Variants in CDH11 observed in about 807,000 individuals in gnomAD.
The protein encoded by CDH11 is cadherin-11.
In CDH11, 11 loss-of-function variants were observed where a neutral mutation model predicts 67.8. The ratio of observed to expected loss-of-function variants is 0.16; its 90% CI spans 0.10 to 0.27. The LOEUF (loss-of-function observed/expected upper bound fraction) is 0.27, where lower values mean the gene tolerates loss of function less well. CDH11 is among the 10% of genes least tolerant of loss of function. The probability of loss-of-function intolerance (pLI) is 1.00; values close to 1 mark genes in which losing one functional copy is unlikely to be tolerated. For missense variants in CDH11, 847 were observed against 1,031.2 expected, an observed-to-expected ratio of 0.82 and a Z score of 2.45; for synonymous variants, 419 against 400.0, an observed-to-expected ratio of 1.05 and a Z score of -0.57.
chr16:65,121,117 C>A lies in CDH11; in HGVS notation c.-298+763G>T, dbSNP rs2075321394. Among the ~76,000 whole-genome samples the A allele has an allele frequency of 1.3e-5, 2 of 152,116 alleles. No homozygotes were observed. ...AGTTAACGTTGACCCTGGCAGCTTT[C>A]GCCAATCCCAAGCCAGAGGCGAGCC... On this transcript the variant is annotated intron_variant, in intron 1 of 12. Transcript: ENST00000268603. The surrounding 1 kb of genome is among the most constrained non-coding windows in gnomAD (Gnocchi z 4.1).
chr16:65,017,707 C>T (rs1331571157), intron 2 of CDH11, among the ~76,000 whole-genome samples: 2 of 152,048 alleles, frequency 1.3e-5, no homozygotes, highest in East Asian at 1.9e-4. Context: ...CCAATATGTG[C>T]CCAGAATTAG....
At chr16:65,057,640 C>CAT (rs2074167646) in intron 1 of CDH11, among the ~76,000 whole-genome samples, 2 of 152,122 alleles carry the variant, frequency 1.3e-5, no homozygotes, top group Admixed American at 6.5e-5. Flanking sequence ...CGTGCAGAGC[C>CAT]ATATCCTTCC....
chr16:64,977,147 C>T (rs141559606), intron 8 of CDH11, among the ~76,000 whole-genome samples: 56 of 152,250 alleles, frequency 3.7e-4, no homozygotes, highest in South Asian at 8.3e-4. Flanking sequence ...CTTCAGTGAA[C>T]CATGATGACA....
At position 64,944,125 on chromosome 16, in the gene CDH11, G is replaced by C. The variant is rs2071155170; in HGVS notation, c.*3478C>G. On this transcript the variant is annotated 3_prime_UTR_variant, in exon 13 of 13. Transcript: ENST00000268603. ...TGTTCATGTAAAGCAATAAAATAAA[G>C]GCATCAGAATTCATTTTAAGTCTTT... 8.6e-6 allele frequency: 2 copies of C among 232,590 alleles called. No individual in the cohort carries two copies. Among genetic ancestry groups the C allele is most frequent in the Non-Finnish European group, 1.7e-5 (2 of 117,756 alleles). The allele number at this position is 232,590 out of a possible 1,614,324, so 14.4% of individuals were successfully genotyped here.
intron 11 of CDH11, among the ~76,000 whole-genome samples, chr16:64,956,811 T>A (rs2071525855): frequency 6.6e-6 from 1 of 152,054 alleles, no homozygotes; most frequent in African/African-American, 2.4e-5. Context: ...ATAATGATGA[T>A]CTCCATGGTA....
chr16:65,033,670 G>A (rs1248428413), intron 2 of CDH11, among the ~76,000 whole-genome samples: 3 of 149,776 alleles, frequency 2.0e-5, no homozygotes, highest in Non-Finnish European at 2.9e-5. Flanking sequence ...CCGGGAGGTG[G>A]AGGTTGCAGT....
chr16:65,046,300 C>T (rs778169138), intron 2 of CDH11, among the ~76,000 whole-genome samples: 22 of 152,234 alleles, frequency 1.4e-4, no homozygotes, highest in East Asian at 3.9e-4. Flanking sequence ...CCACAGGGCC[C>T]GGAAGGCAAG....
chr16:65,083,516 T>G (rs1894078132), intron 1 of CDH11, among the ~76,000 whole-genome samples: 1 of 152,204 alleles, frequency 6.6e-6, no homozygotes, highest in South Asian at 2.1e-4. Context: ...TGGGGAAGAC[T>G]GGCTACTAGG....
chr16:65,086,221 G>A (rs2074695561), intron 1 of CDH11, among the ~76,000 whole-genome samples: 1 of 152,220 alleles, frequency 6.6e-6, no homozygotes, highest in African/African-American at 2.4e-5. Flanking sequence ...TGGTAACGTA[G>A]ATAATTTAAA....
intron 2 of CDH11, among the ~76,000 whole-genome samples, chr16:65,050,993 A>T (rs892126401): frequency 6.6e-6 from 1 of 152,170 alleles, no homozygotes; most frequent in East Asian, 1.9e-4. Context: ...CTCAGCAGAA[A>T]TGAGATGATC....
At position 65,029,409 on chromosome 16, in the gene CDH11, A is replaced by G. The variant is rs79201595; in HGVS notation, c.-172-24368T>C. ...GAAAAGTCTCTTTCAAATAATTACA[A>G]ATTAAAAACTTGGCTCTGAGACTGA... is the stretch of plus-strand genomic sequence containing the variant. On this transcript the variant is annotated intron_variant, in intron 2 of 12. Coordinates refer to ENST00000268603, the MANE Select transcript of CDH11 (RefSeq NM_001797.4). 0.012 allele frequency among the ~76,000 whole-genome samples: 1,828 copies of G among 152,328 alleles called. 102 individuals carry two copies. The East Asian group carries it at 0.17, about 14-fold the overall frequency.
At chr16:65,004,279 A>G (rs952955999) in intron 3 of CDH11, among the ~76,000 whole-genome samples, 2 of 152,148 alleles carry the variant, frequency 1.3e-5, no homozygotes, top group Non-Finnish European at 2.9e-5. Context: ...AGGCTAAAGC[A>G]GGAGGATCCC....
intron 1 of CDH11, among the ~76,000 whole-genome samples, chr16:65,101,622 A>G (rs2074993496): frequency 6.6e-6 from 1 of 152,058 alleles, no homozygotes; most frequent in South Asian, 2.1e-4. Flanking sequence ...CAAGACCATC[A>G]CTACCATCTT....
At chr16:65,022,190 A>G (rs117834315) in intron 2 of CDH11, among the ~76,000 whole-genome samples, 1 of 152,230 alleles carries the variant, frequency 6.6e-6, no homozygotes, top group East Asian at 1.9e-4. Flanking sequence ...AAGGAAACAT[A>G]TTTTAGAATT....
intron 2 of CDH11, among the ~76,000 whole-genome samples, chr16:65,011,239 T>A (rs1281867869): frequency 6.6e-6 from 1 of 151,750 alleles, no homozygotes; most frequent in Non-Finnish European, 1.5e-5. Context: ...CTAATGCAAG[T>A]TTACAGGACT....
chr16:65,091,152 A>G (rs1397527828), intron 1 of CDH11, among the ~76,000 whole-genome samples: 1 of 152,200 alleles, frequency 6.6e-6, no homozygotes, highest in East Asian at 1.9e-4. Flanking sequence ...CCATGTAGCT[A>G]CAACTCCTTT....
chr16:64,989,243 G>A (rs1597059713), intron 6 of CDH11, among the ~76,000 whole-genome samples: 1 of 151,994 alleles, frequency 6.6e-6, no homozygotes, highest in Admixed American at 6.6e-5. Flanking sequence ...GGGGGTAAAT[G>A]TGTGAGTGGC....
rs771296570 is a variant in CDH11, at chr16:64,945,533, A to G, written c.*2070T>C. 13 of 1,032,120 alleles carry G rather than the reference A, an allele frequency of 1.3e-5. No homozygotes were observed. Among genetic ancestry groups the G allele is most frequent in the Non-Finnish European group, 1.5e-5 (13 of 857,846 alleles). 63.9% of individuals were successfully genotyped at this position (1,032,120 alleles called of 1,614,324 possible). On this transcript the variant is annotated 3_prime_UTR_variant, in exon 13 of 13. Transcript: ENST00000268603. ...GAGTTATTTCTTCATTGCAAATTCA[A>G]TTGGAGATCTGTGCAAATCTAGCAA...
intron 2 of CDH11, among the ~76,000 whole-genome samples, chr16:65,027,980 C>T (rs934779457): frequency 6.6e-6 from 1 of 152,110 alleles, no homozygotes; most frequent in African/African-American, 2.4e-5. Context: ...AAATGAATAA[C>T]ATAATTAAAA....
Sources: gnomAD v4.1 joint callset for allele counts (sites outside exome capture counted in the v4.1 genomes callset) on GRCh38, gnomAD v4.1.1 for gene constraint, Gnocchi (gnomAD v3.1) non-coding constraint, MANE v1.5 for transcripts, NCBI Gene and HGNC (gene_info 2026-07-23, HGNC 2026-07-21) for gene names.